Variants in CASQ2 observed in about 807,000 individuals in gnomAD.
CASQ2 encodes calsequestrin-2.
A neutral mutation model predicts 46.5 loss-of-function variants in CASQ2; 49 were observed. That is an observed-to-expected ratio of 1.05 (90% CI 0.84 to 1.34). The LOEUF is 1.34. Among genes scored for constraint, CASQ2 ranks in the 40% most tolerant of loss-of-function variants. The pLI is 0.00. For missense variants in CASQ2, 486 were observed against 481.3 expected (o/e 1.01, Z -0.09); for synonymous variants, 174 against 168.5 (o/e 1.03, Z -0.25).
At chr1:115,758,761 C>T (rs1269461795) in intron 1 of CASQ2, among the ~76,000 whole-genome samples, 1 of 152,202 alleles carries the variant, frequency 6.6e-6, no homozygotes, top group Non-Finnish European at 1.5e-5. Context: ...GATCTCTGCA[C>T]ACATCAGCTC....
intron 9 of CASQ2, 94 bp downstream of exon 9, chr1:115,705,098 A>C (rs1654318017): frequency 1.2e-6 from 1 of 860,058 alleles, no homozygotes; most frequent in East Asian, 2.4e-5. Flanking sequence ...GGGTTTCTTC[A>C]AGTGCCCCTG....
chr1:115,720,780 C>T (rs115313962), intron 7 of CASQ2, among the ~76,000 whole-genome samples: 2,265 of 152,244 alleles, frequency 0.015, 77 homozygotes, highest in African/African-American at 0.052. Flanking sequence ...GAGACTGTTT[C>T]GTCTACTTAA....
chr1:115,714,400 A>T (rs1654637801), intron 8 of CASQ2, among the ~76,000 whole-genome samples: 1 of 152,186 alleles, frequency 6.6e-6, no homozygotes, highest in Admixed American at 6.5e-5. Flanking sequence ...CTAGAATAAT[A>T]ATCATCATGC....
intron 1 of CASQ2, among the ~76,000 whole-genome samples, chr1:115,748,705 C>A (rs1445173344): frequency 6.6e-6 from 1 of 152,176 alleles, no homozygotes; most frequent in Non-Finnish European, 1.5e-5. Context: ...TAGACAAAGC[C>A]ATTTTTTAAT....
At chr1:115,727,149 T>C (rs1270620256) in intron 5 of CASQ2, 27 bp from the exon 6 acceptor site, 5 of 1,538,340 alleles carry the variant, frequency 3.3e-6, no homozygotes. Flanking sequence ...TAAGACAAAG[T>C]TTATTTGAAT....
At chr1:115,744,698 G>A (rs1339613372) in intron 2 of CASQ2, 130 bp downstream of exon 2, 16 of 704,742 alleles carry the variant, frequency 2.3e-5, no homozygotes, top group Middle Eastern at 3.5e-4. Flanking sequence ...CAAAGATGAA[G>A]GTATGCAGGA....
chr1:115,715,572 G>A (rs1202493953), intron 8 of CASQ2, among the ~76,000 whole-genome samples: 1 of 152,148 alleles, frequency 6.6e-6, no homozygotes, highest in Non-Finnish European at 1.5e-5. Flanking sequence ...GGGAGTGACT[G>A]CTAATGGCTA....
intron 8 of CASQ2, among the ~76,000 whole-genome samples, chr1:115,712,254 G>T (rs1488589648): frequency 6.6e-6 from 1 of 152,172 alleles, no homozygotes; most frequent in Non-Finnish European, 1.5e-5. Context: ...ACATTGTCTG[G>T]GCCCCACAGC....
At chr1:115,705,904 A>G (rs1557785253) in intron 8 of CASQ2, among the ~76,000 whole-genome samples, 1 of 151,168 alleles carries the variant, frequency 6.6e-6, no homozygotes, top group Non-Finnish European at 1.5e-5. Context: ...GATGATTCCT[A>G]AGAAAAGCAG....
chr1:115,729,133 T>C (rs1647696719), intron 5 of CASQ2, among the ~76,000 whole-genome samples: 1 of 139,794 alleles, frequency 7.2e-6, no homozygotes, highest in Non-Finnish European at 1.5e-5. Flanking sequence ...CACTGCAATC[T>C]CCGCTTCCCA....
intron 5 of CASQ2, 107 bp downstream of exon 5, chr1:115,732,794 G>A: frequency 2.5e-6 from 2 of 802,248 alleles, no homozygotes; most frequent in African/African-American, 1.7e-5. Context: ...AAAGAGGCAA[G>A]GGAGGATGGT....
chr1:115,766,289 C>T (rs1200201859), intron 1 of CASQ2, among the ~76,000 whole-genome samples: 1 of 152,200 alleles, frequency 6.6e-6, no homozygotes, highest in Non-Finnish European at 1.5e-5. Context: ...GTGTTACGTA[C>T]AACTGCCTTC....
At chr1:115,729,035 CTTTTTTTTTTTT>C (rs753965730) in intron 5 of CASQ2, among the ~76,000 whole-genome samples, 4 of 68,862 alleles carry the variant, frequency 5.8e-5, no homozygotes, top group Admixed American at 3.4e-4. Context: ...CTCTTTCATT[CTTTTTTTTTTTT>C]TTTTTTTTTT....
chr1:115,728,238 A>G lies in CASQ2; in HGVS notation c.607-1116T>C, dbSNP rs78277613. Among the ~76,000 whole-genome samples, 840 of 152,278 alleles carry G rather than the reference A, an allele frequency of 5.5e-3. 7 individuals are homozygous for G. The highest frequency in any genetic ancestry group is 0.019 in the African/African-American group (805 of 41,544). ...GGAGATCCATTCTGAGGAAACATTG[A>G]TATCCATATGGTTTTTGTCATCAAT... is the stretch of plus-strand genomic sequence containing the variant. On this transcript the variant is annotated intron_variant, in intron 5 of 10. Transcript: ENST00000261448.
chr1:115,758,841 T>C (rs921726462), intron 1 of CASQ2, among the ~76,000 whole-genome samples: 1 of 152,206 alleles, frequency 6.6e-6, no homozygotes, highest in Non-Finnish European at 1.5e-5. Context: ...AATCTTCAAC[T>C]TTTTCAGACA....
intron 1 of CASQ2, among the ~76,000 whole-genome samples, chr1:115,755,760 T>G (rs954202675): frequency 6.6e-6 from 1 of 152,128 alleles, no homozygotes; most frequent in Non-Finnish European, 1.5e-5. Flanking sequence ...ACTTCACACA[T>G]GTTACCTGTT....
intron 1 of CASQ2, among the ~76,000 whole-genome samples, chr1:115,752,831 A>C (rs1253016696): frequency 6.6e-6 from 1 of 152,146 alleles, no homozygotes; most frequent in Non-Finnish European, 1.5e-5. Flanking sequence ...GTGGAAAGGA[A>C]AGGCCACCAG....
intron 5 of CASQ2, 92 bp from the exon 6 acceptor site, chr1:115,727,214 G>C: frequency 1.0e-6 from 1 of 1,004,412 alleles, no homozygotes; most frequent in Non-Finnish European, 1.5e-6. Context: ...TATGTTTTCC[G>C]GCAAAGACAT....
chr1:115,739,401 C>T (rs757721218), intron 3 of CASQ2, among the ~76,000 whole-genome samples: 1 of 152,072 alleles, frequency 6.6e-6, no homozygotes, highest in Admixed American at 6.5e-5. Context: ...AGGCATGAGC[C>T]ACCACGCTCC....
Sources: allele counts gnomAD v4.1 joint callset (sites outside exome capture counted in the v4.1 genomes callset), GRCh38; gene constraint gnomAD v4.1.1; transcripts MANE v1.5; gene names NCBI Gene and HGNC (gene_info 2026-07-23, HGNC 2026-07-21).